The following CIB4 variants were observed in gnomAD, a reference collection of about 807,000 sequenced individuals.
CIB4 encodes the protein calcium and integrin-binding family member 4.
A neutral mutation model predicts 25.8 loss-of-function variants in CIB4; 25 were observed. The observed-to-expected ratio is 0.97, with a 90% CI of 0.71 to 1.35. CIB4 has a LOEUF of 1.35. Ranked by LOEUF, CIB4 falls within the 40% of genes most tolerant of loss-of-function variation. The pLI is 0.00. For missense variants in CIB4, 235 were observed against 228.2 expected (o/e 1.03, Z -0.19); for synonymous variants, 75 against 81.4 (o/e 0.92, Z 0.42).
At chr2:26,594,978 G>A (rs1230735485) in intron 4 of CIB4, among the ~76,000 whole-genome samples, 198 bp downstream of exon 4, 1 of 151,986 alleles carries the variant, frequency 6.6e-6, no homozygotes, top group Non-Finnish European at 1.5e-5. Context: ...GACACCGAGG[G>A]GAGTCTGTCC....
chr2:26,583,967 C>G, intron 4 of CIB4, 69 bp from the exon 5 acceptor site: 1 of 1,004,592 alleles, frequency 1.0e-6, no homozygotes, highest in Non-Finnish European at 1.6e-6. Flanking sequence ...CTTGAGGAGT[C>G]CTGGGGGACA....
intron 4 of CIB4, among the ~76,000 whole-genome samples, chr2:26,587,179 G>A (rs1367593874): frequency 6.6e-6 from 1 of 151,674 alleles, no homozygotes; most frequent in Non-Finnish European, 1.5e-5. Context: ...AGTGGCTGGC[G>A]CCTGTAGTCC....
chr2:26,616,017 G>A (rs1172350221), intron 3 of CIB4, among the ~76,000 whole-genome samples: 3 of 152,216 alleles, frequency 2.0e-5, no homozygotes, highest in Non-Finnish European at 4.4e-5. Context: ...GGCGGTGGGG[G>A]GTGAGCACTG....
chr2:26,607,477 C>T (rs1386548907), intron 3 of CIB4, among the ~76,000 whole-genome samples: 1 of 152,190 alleles, frequency 6.6e-6, no homozygotes, highest in Admixed American at 6.5e-5. Context: ...TTGTGATCAA[C>T]TCTACAATAT....
chr2:26,597,542 A>G (rs1668703621), intron 3 of CIB4, among the ~76,000 whole-genome samples: 2 of 152,208 alleles, frequency 1.3e-5, no homozygotes, highest in South Asian at 4.1e-4. Flanking sequence ...CCCTTACAAT[A>G]TTATTAGCTA....
chr2:26,581,513 G>T, intron 6 of CIB4, 120 bp from the exon 7 acceptor site: 1 of 962,930 alleles, frequency 1.0e-6, no homozygotes, highest in Non-Finnish European at 1.6e-6. Context: ...CCCTTTCTCT[G>T]GGTGACGGCC....
intron 4 of CIB4, among the ~76,000 whole-genome samples, chr2:26,591,575 C>T (rs1668587280): frequency 6.6e-6 from 1 of 152,234 alleles, no homozygotes; most frequent in South Asian, 2.1e-4. Flanking sequence ...CTCTAGTGAC[C>T]TCTCTCCTAA....
At chr2:26,626,176 C>T (rs561397951) in intron 3 of CIB4, among the ~76,000 whole-genome samples, 3 of 152,270 alleles carry the variant, frequency 2.0e-5, no homozygotes, top group South Asian at 4.1e-4. Flanking sequence ...TGCCCCTTTG[C>T]TTCTCCCCAC....
chr2:26,582,123 C>T (rs1275992), intron 6 of CIB4, among the ~76,000 whole-genome samples: 82,498 of 152,076 alleles, frequency 0.54, 22,757 homozygotes, highest in Middle Eastern at 0.65. Flanking sequence ...TAGCTCTTTG[C>T]TCTGTTTCCC....
intron 4 of CIB4, among the ~76,000 whole-genome samples, chr2:26,588,175 G>A (rs928890812): frequency 9.9e-5 from 15 of 152,258 alleles, no homozygotes; most frequent in Admixed American, 2.6e-4. Flanking sequence ...CTGCTGCTGG[G>A]AACCTCTGCA....
chr2:26,614,952 T>C (rs1669063261), intron 3 of CIB4, among the ~76,000 whole-genome samples: 1 of 152,160 alleles, frequency 6.6e-6, no homozygotes, highest in South Asian at 2.1e-4. Flanking sequence ...CACGAATCAT[T>C]GACAGAACCA....
chr2:26,581,344 T>C lies in CIB4; in HGVS notation c.*19A>G. 1 of 1,609,904 alleles carries C rather than the reference T, an allele frequency of 6.2e-7. No individual in the cohort carries two copies. The highest frequency in any genetic ancestry group is 2.2e-5 in the East Asian group (1 of 44,826). On this transcript the variant is annotated 3_prime_UTR_variant, in exon 7 of 7. Coordinates refer to ENST00000288861, the MANE Select transcript of CIB4 (RefSeq NM_001029881.3). ...TGTGGTCTCCCTCGAGGCTGCCATG[T>C]CAGGTGTTTGCCGCTACATCAGCAT...
rs1264622280 is a variant in CIB4, at chr2:26,639,792, T to C, written c.89+741A>G. Among the ~76,000 whole-genome samples, 3 of 151,950 alleles carry C rather than the reference T, an allele frequency of 2.0e-5. No homozygotes were observed. The East Asian group carries it at 5.8e-4, about 29-fold the overall frequency. ...CCGTGTGGTGACTGGGGAGGGTTAG[T>C]CCAAGCAAAGATGATGAGAGGGAAC... On this transcript the variant is annotated intron_variant, in intron 2 of 6. Transcript: ENST00000288861.
intron 3 of CIB4, among the ~76,000 whole-genome samples, chr2:26,595,946 G>T (rs1226316601): frequency 6.6e-6 from 1 of 152,006 alleles, no homozygotes; most frequent in African/African-American, 2.4e-5. Context: ...GTCTTATAGA[G>T]ACTGAAAACA....
At chr2:26,626,495 C>T (rs1159287316) in intron 3 of CIB4, among the ~76,000 whole-genome samples, 1 of 151,692 alleles carries the variant, frequency 6.6e-6, no homozygotes, top group Admixed American at 6.6e-5. Context: ...ATGATTGTGG[C>T]AGTCATCCCT....
chr2:26,626,931 TC>T (rs2148221845), intron 3 of CIB4, among the ~76,000 whole-genome samples: 1 of 152,170 alleles, frequency 6.6e-6, no homozygotes, highest in African/African-American at 2.4e-5. Context: ...CTCCACCGGG[TC>T]CCTTACCCAG....
At chr2:26,582,951 C>T in intron 5 of CIB4, 38 bp from the exon 6 acceptor site, 2 of 1,442,946 alleles carry the variant, frequency 1.4e-6, no homozygotes, top group Non-Finnish European at 1.9e-6. Flanking sequence ...AGTGGAACCC[C>T]ATGTCAGGCA....
intron 6 of CIB4, among the ~76,000 whole-genome samples, chr2:26,581,848 C>T (rs2241949): frequency 1.3e-5 from 2 of 152,170 alleles, no homozygotes; most frequent in East Asian, 3.9e-4. Context: ...AGGGGAGGAC[C>T]CCTGACCATG....
chr2:26,633,559 G>A (rs1669475379), intron 2 of CIB4, among the ~76,000 whole-genome samples: 1 of 152,162 alleles, frequency 6.6e-6, no homozygotes, highest in Non-Finnish European at 1.5e-5. Context: ...TGGAGTTGGT[G>A]CCTTCCCAGG....
Sources: gnomAD v4.1 joint callset for allele counts (sites outside exome capture counted in the v4.1 genomes callset) on GRCh38, gnomAD v4.1.1 for gene constraint, MANE v1.5 for transcripts, NCBI Gene and HGNC (gene_info 2026-07-23, HGNC 2026-07-21) for gene names.